The following KLHL29 variants were observed in gnomAD, a reference collection of about 807,000 sequenced individuals.
KLHL29 encodes the protein kelch like family member 29, also known as kelch-like protein 29.
In KLHL29, 21 loss-of-function variants were observed where a neutral mutation model predicts 80.4. The ratio of observed to expected loss-of-function variants is 0.26; its 90% CI spans 0.19 to 0.38. The LOEUF (loss-of-function observed/expected upper bound fraction) is 0.38. KLHL29 is among the 10% of genes least tolerant of loss of function. The pLI is 1.00. For synonymous variants in KLHL29, 511 were observed against 526.8 expected (o/e 0.97, Z 0.41); for missense variants, 867 against 1,223.9 (o/e 0.71, Z 4.35).
In KLHL29 at chr2:23,680,082, G is replaced by C. The variant is rs1478701000; in HGVS notation, c.941-4317G>C. Among the ~76,000 whole-genome samples the C allele has an allele frequency of 6.6e-6, 1 of 152,202 alleles. No individual in the cohort carries two copies. Among genetic ancestry groups the C allele is most frequent in the Non-Finnish European group, 1.5e-5 (1 of 68,028 alleles). On this transcript the variant is annotated intron_variant, in intron 5 of 13. Coordinates refer to ENST00000486442, the MANE Select transcript of KLHL29 (RefSeq NM_052920.2). The surrounding 1 kb of genome is among the most constrained non-coding windows in gnomAD (Gnocchi z 4.1). ...CCAGTGGCTGTGAGGATGCAGTGTGGAGGTGGCCTGGAGGGGGACAGGCTG... is the reference window on the plus strand; with the variant it reads ...CCAGTGGCTGTGAGGATGCAGTGTGCAGGTGGCCTGGAGGGGGACAGGCTG...
chr2:23,580,181 T>C (rs1368816453), intron 3 of KLHL29, among the ~76,000 whole-genome samples: 11 of 147,380 alleles, frequency 7.5e-5, no homozygotes, highest in African/African-American at 1.8e-4. Flanking sequence ...CCATCCTGGC[T>C]AACATGGTGA....
At chr2:23,528,823 AGCGCAGCCTGACTCGCAGT>A (rs1666406399) in intron 2 of KLHL29, among the ~76,000 whole-genome samples, 2 of 152,214 alleles carry the variant, frequency 1.3e-5, no homozygotes, top group Non-Finnish European at 2.9e-5. Flanking sequence ...CTTTCCTGCC[AGCGCAGCCTGACTCGCAGT>A]GCTATCTCTG....
At chr2:23,616,060 C>T (rs1233648991) in intron 3 of KLHL29, among the ~76,000 whole-genome samples, 1 of 152,240 alleles carries the variant, frequency 6.6e-6, no homozygotes, top group Non-Finnish European at 1.5e-5. Context: ...GAAGACCTCA[C>T]TGGACCTATG....
chr2:23,465,459 G>T (rs978164379), intron 1 of KLHL29, among the ~76,000 whole-genome samples: 1 of 152,206 alleles, frequency 6.6e-6, no homozygotes, highest in Non-Finnish European at 1.5e-5. Flanking sequence ...TCAGCAAGAG[G>T]CAGGAGGCAA....
chr2:23,706,157 C>A (rs1672708276), intron 13 of KLHL29, among the ~76,000 whole-genome samples: 1 of 152,226 alleles, frequency 6.6e-6, no homozygotes, highest in Admixed American at 6.5e-5. Flanking sequence ...CACACAAGAG[C>A]CTCCAGAAAG....
intron 3 of KLHL29, among the ~76,000 whole-genome samples, chr2:23,607,422 A>C (rs1355792514): frequency 6.6e-6 from 1 of 152,246 alleles, no homozygotes; most frequent in Non-Finnish European, 1.5e-5. Flanking sequence ...GGGATGCAGA[A>C]AAGGCTGCCC....
intron 3 of KLHL29, among the ~76,000 whole-genome samples, chr2:23,572,700 C>CT (rs67663284): frequency 0.06 from 8,215 of 136,838 alleles, 764 homozygotes; most frequent in African/African-American, 0.19. Flanking sequence ...ACAGTGATTT[C>CT]TTTTTTTTTT....
At chr2:23,627,632 T>C (rs1669349955) in intron 3 of KLHL29, among the ~76,000 whole-genome samples, 1 of 152,200 alleles carries the variant, frequency 6.6e-6, no homozygotes, top group Admixed American at 6.5e-5. Flanking sequence ...GCTGCCCTGT[T>C]TGTCTCTTTG....
At chr2:23,665,058 G>A (rs947689205) in intron 5 of KLHL29, among the ~76,000 whole-genome samples, 1 of 152,256 alleles carries the variant, frequency 6.6e-6, no homozygotes, top group Admixed American at 6.5e-5. Context: ...GGTGACTCGG[G>A]TGGCTGGTGG....
chr2:23,639,081 T>G, intron 3 of KLHL29, 58 bp from the exon 4 acceptor site: 1 of 1,461,912 alleles, frequency 6.8e-7, no homozygotes, highest in Non-Finnish European at 9.0e-7. Flanking sequence ...TAGGGAGTCT[T>G]GTTCTGGAGG....
At chr2:23,699,401 G>A (rs932556195) in intron 11 of KLHL29, among the ~76,000 whole-genome samples, 12 of 152,202 alleles carry the variant, frequency 7.9e-5, no homozygotes, top group African/African-American at 2.9e-4. Flanking sequence ...TCCCCTGCTG[G>A]GAGGGCCTAA....
At chr2:23,418,558 T>C (rs1007631903) in intron 1 of KLHL29, among the ~76,000 whole-genome samples, 1 of 152,216 alleles carries the variant, frequency 6.6e-6, no homozygotes, top group Admixed American at 6.5e-5. Flanking sequence ...AATGCTCACT[T>C]TCTCCTCCAC....
At chr2:23,648,106 G>A (rs957699788) in intron 5 of KLHL29, among the ~76,000 whole-genome samples, 3 of 151,780 alleles carry the variant, frequency 2.0e-5, no homozygotes, top group African/African-American at 4.8e-5. Flanking sequence ...TCTGCAGCCC[G>A]TCACCCCCCG....
At chr2:23,559,795 G>C (rs1275754554) in intron 2 of KLHL29, among the ~76,000 whole-genome samples, 1 of 152,050 alleles carries the variant, frequency 6.6e-6, no homozygotes, top group African/African-American at 2.4e-5. Flanking sequence ...CAGAAAGAGG[G>C]GATGGAGGGA....
intron 2 of KLHL29, among the ~76,000 whole-genome samples, chr2:23,521,000 C>CT: frequency 6.6e-6 from 1 of 151,708 alleles, no homozygotes; most frequent in Non-Finnish European, 1.5e-5. Flanking sequence ...CCACCCCCCC[C>CT]CCCGCTCCCC....
In KLHL29 at chr2:23,457,454, C is replaced by G. The variant is rs2103425854; in HGVS notation, c.-153-18106C>G. Among the ~76,000 whole-genome samples the G allele has an allele frequency of 1.3e-5, 2 of 152,214 alleles. No individual in the cohort carries two copies. Among genetic ancestry groups the G allele is most frequent in the East Asian group, 3.9e-4 (2 of 5,184 alleles). ...GTTTTGGCATGGTTCTGGGGCCCTTCCCCTCCAGGACCCCTGCGGTGTGAG... is the reference window on the plus strand; with the variant it reads ...GTTTTGGCATGGTTCTGGGGCCCTTGCCCTCCAGGACCCCTGCGGTGTGAG... On this transcript the variant is annotated intron_variant, in intron 1 of 13. Transcript: ENST00000486442. This position sits in a 1 kb window ranked among gnomAD's most constrained non-coding sequence, Gnocchi z 4.3.
At chr2:23,649,093 G>C (rs1670018179) in intron 5 of KLHL29, among the ~76,000 whole-genome samples, 1 of 152,182 alleles carries the variant, frequency 6.6e-6, no homozygotes, top group Admixed American at 6.5e-5. Context: ...GAGAAATCGG[G>C]TCTGGAGCAC....
intron 11 of KLHL29, among the ~76,000 whole-genome samples, chr2:23,701,793 CTTTTTT>C (rs70941586): frequency 5.7e-3 from 128 of 22,524 alleles, no homozygotes; most frequent in African/African-American, 0.014. Context: ...CTTTTTTTTG[CTTTTTT>C]TTTTTTTTTT....
intron 1 of KLHL29, among the ~76,000 whole-genome samples, chr2:23,471,948 T>G (rs931980812): frequency 6.6e-6 from 1 of 152,200 alleles, no homozygotes; most frequent in Non-Finnish European, 1.5e-5. Flanking sequence ...AAATCACTTT[T>G]AAATACCATG....
Sources: allele counts gnomAD v4.1 joint callset (sites outside exome capture counted in the v4.1 genomes callset), GRCh38; gene constraint gnomAD v4.1.1; non-coding constraint Gnocchi (gnomAD v3.1); transcripts MANE v1.5; gene names NCBI Gene and HGNC (gene_info 2026-07-23, HGNC 2026-07-21).